PRDX6: variants seen among roughly 807,000 people sequenced by gnomAD.
PRDX6 encodes peroxiredoxin 6, also known as peroxiredoxin-6.
In PRDX6, 13 loss-of-function variants were observed where a neutral mutation model predicts 20.0. The observed-to-expected ratio is 0.65, with a 90% CI of 0.42 to 1.03. PRDX6 has a LOEUF of 1.03. PRDX6 is among the 50% of genes least tolerant of loss of function. PRDX6 has a pLI of 0.00. For synonymous variants in PRDX6, 85 were observed against 100.8 expected, an observed-to-expected ratio of 0.84 and a Z score of 0.94; for missense variants, 203 against 276.9, an observed-to-expected ratio of 0.73 and a Z score of 1.89.
chr1:173,483,836 C>T (rs1306327498), intron 2 of PRDX6, among the ~76,000 whole-genome samples: 1 of 152,088 alleles, frequency 6.6e-6, no homozygotes, highest in African/African-American at 2.4e-5. Flanking sequence ...GGCACAGTGG[C>T]TCTCGCCTGT....
intron 2 of PRDX6, 41 bp downstream of exon 2, chr1:173,481,523 G>T (rs748215984): frequency 5.9e-5 from 94 of 1,588,900 alleles, no homozygotes; most frequent in Non-Finnish European, 8.0e-5. Context: ...TGAGATTATA[G>T]GTCAAGTTAT....
At chr1:173,482,468 C>T (rs921285677) in intron 2 of PRDX6, among the ~76,000 whole-genome samples, 2 of 152,134 alleles carry the variant, frequency 1.3e-5, no homozygotes, top group African/African-American at 4.8e-5. Flanking sequence ...ATATCCTAGG[C>T]GATCAGTCAA....
chr1:173,487,611 G>A (rs1452342435), intron 4 of PRDX6, 124 bp from the exon 5 acceptor site: 1 of 1,072,894 alleles, frequency 9.3e-7, no homozygotes, highest in Admixed American at 2.4e-5. Context: ...CTCACAGAGG[G>A]GAGAGTAAAG....
At chr1:173,477,607 C>A in intron 1 of PRDX6, 115 bp downstream of exon 1, 2 of 849,220 alleles carry the variant, frequency 2.4e-6, no homozygotes, top group South Asian at 1.6e-5. Flanking sequence ...GCGCCGCCCT[C>A]GCCTTCCCCC....
Position 173,487,866 on chromosome 1 carries a change from C to G in PRDX6, c.*3C>G. 1 of 1,612,360 alleles carries G rather than the reference C, an allele frequency of 6.2e-7. No individual in the cohort carries two copies. The highest frequency in any genetic ancestry group is 8.5e-7 in the Non-Finnish European group (1 of 1,179,918). On this transcript the variant is annotated 3_prime_UTR_variant, in exon 5 of 5. Transcript: ENST00000340385. ...TCCGCTACACACCCCAGCCTTAAGTCTCTTGGAGAAGCTGGTGCTGTGAGC... is the reference window on the plus strand; with the variant it reads ...TCCGCTACACACCCCAGCCTTAAGTGTCTTGGAGAAGCTGGTGCTGTGAGC...
intron 2 of PRDX6, among the ~76,000 whole-genome samples, chr1:173,485,022 A>G (rs1658873599): frequency 6.6e-6 from 1 of 152,162 alleles, no homozygotes; most frequent in South Asian, 2.1e-4. Context: ...TTGGGTACCC[A>G]GAGGTACCTT....
intron 2 of PRDX6, among the ~76,000 whole-genome samples, chr1:173,482,715 A>G (rs185687387): frequency 9.2e-5 from 14 of 152,344 alleles, no homozygotes; most frequent in Non-Finnish European, 2.1e-4. Context: ...GCTGCATCCT[A>G]TAGCAGTTAA....
chr1:173,479,609 AG>A (rs1658768335), intron 1 of PRDX6, among the ~76,000 whole-genome samples: 1 of 152,224 alleles, frequency 6.6e-6, no homozygotes, highest in South Asian at 2.1e-4. Context: ...TGTGTTTTCC[AG>A]GGGTCTTCTG....
chr1:173,479,873 CA>C (rs1658772540), intron 1 of PRDX6, among the ~76,000 whole-genome samples: 1 of 152,178 alleles, frequency 6.6e-6, no homozygotes, highest in African/African-American at 2.4e-5. Context: ...CATGATTCAG[CA>C]AAACAGTCTT....
In PRDX6 at chr1:173,488,135, TGCAGG is replaced by T. The variant is rs1372365442; in HGVS notation, c.*275_*279del. 1 of 330,790 alleles carries T rather than the reference TGCAGG, an allele frequency of 3.0e-6. No individual in the cohort carries two copies. The highest frequency in any genetic ancestry group is 5.6e-6 in the Non-Finnish European group (1 of 179,828). The allele number at this position is 330,790 out of a possible 1,614,324, so 20.5% of individuals were successfully genotyped here. ...TAAAACTCAAATCTTGTTGGATCTC[TGCAGG>T]GCTTGTGACCAATGAAGTCATATTT... On this transcript the variant is annotated 3_prime_UTR_variant, in exon 5 of 5. Coordinates refer to ENST00000340385, the MANE Select transcript of PRDX6 (RefSeq NM_004905.3).
intron 1 of PRDX6, among the ~76,000 whole-genome samples, chr1:173,478,220 G>A (rs535837781): frequency 8.4e-4 from 128 of 152,368 alleles, no homozygotes; most frequent in African/African-American, 2.9e-3. Flanking sequence ...AGAACACTCT[G>A]CGTAGGTGTG....
In PRDX6 at chr1:173,487,806, C is replaced by A; in HGVS notation, c.618C>A (p.Val206=). The A allele has an allele frequency of 6.2e-7, 1 of 1,614,034 alleles. No individual in the cohort carries two copies. Among genetic ancestry groups the A allele is most frequent in the African/African-American group, 1.3e-5 (1 of 75,052 alleles). Residue 206 remains valine, a synonymous_variant, in exon 5 of 5, where the codon GTC becomes GTA. Transcript: ENST00000340385. ...EEAKKLFPKG[V]FTKELPSGKK... is the part of the protein sequence containing the mutation. Reference sequence around the variant, plus strand: ...CCAAAAAACTTTTCCCGAAAGGAGTCTTCACCAAAGAGCTCCCATCTGGCA... The same window carrying A: ...CCAAAAAACTTTTCCCGAAAGGAGTATTCACCAAAGAGCTCCCATCTGGCA...
intron 4 of PRDX6, 118 bp from the exon 5 acceptor site, chr1:173,487,617 T>A: frequency 3.4e-6 from 4 of 1,164,808 alleles, no homozygotes; most frequent in Non-Finnish European, 1.2e-6. Context: ...GAGGGGAGAG[T>A]AAAGAACACT....
At chr1:173,479,549 T>G (rs900642756) in intron 1 of PRDX6, among the ~76,000 whole-genome samples, 2 of 152,240 alleles carry the variant, frequency 1.3e-5, no homozygotes, top group Admixed American at 1.3e-4. Flanking sequence ...CGCTGTTTCT[T>G]TAAGTGGTAG....
intron 2 of PRDX6, among the ~76,000 whole-genome samples, chr1:173,483,505 C>T (rs556318245): frequency 2.6e-5 from 4 of 152,054 alleles, no homozygotes; most frequent in Admixed American, 1.3e-4. Context: ...GAGCTGAGAT[C>T]GCGCCACTGC....
At chr1:173,479,249 C>T (rs1039934542) in intron 1 of PRDX6, among the ~76,000 whole-genome samples, 2 of 152,096 alleles carry the variant, frequency 1.3e-5, no homozygotes, top group African/African-American at 4.8e-5. Flanking sequence ...GTTAGGAACA[C>T]GGTAGAAATA....
rs1658928320 is a variant in PRDX6 at position 173,487,953 on chromosome 1, C to T, written c.*90C>T. 1 of 1,523,078 alleles carries T rather than the reference C, an allele frequency of 6.6e-7. No homozygotes were observed. The highest frequency in any genetic ancestry group is 8.9e-7 in the Non-Finnish European group (1 of 1,121,680). The allele number at this position is 1,523,078 out of a possible 1,614,324, so 94.3% of individuals were successfully genotyped here. A position where few individuals can be genotyped will look rare whatever the true frequency, so the allele number is the denominator to read the frequency against. On this transcript the variant is annotated 3_prime_UTR_variant, in exon 5 of 5. Coordinates refer to ENST00000340385, the MANE Select transcript of PRDX6 (RefSeq NM_004905.3). ...CAATTCCATAAACACATCCTGGTGT[C>T]ATCACAGCCAAGGTTTTTAGGTTGC... is the stretch of plus-strand genomic sequence containing the variant.
chr1:173,477,361 C>T lies in PRDX6; in HGVS notation c.-37C>T, dbSNP rs1015386462. Reference sequence around the variant, plus strand: ...CTTCTTCGCCAGAACCAACCGGTTGCTTGCTGTCCCAGCGGCGCCCCCTCA... The same window carrying T: ...CTTCTTCGCCAGAACCAACCGGTTGTTTGCTGTCCCAGCGGCGCCCCCTCA... On this transcript the variant is annotated 5_prime_UTR_variant, in exon 1 of 5. Coordinates refer to ENST00000340385, the MANE Select transcript of PRDX6 (RefSeq NM_004905.3). 6.6e-7 allele frequency: 1 copy of T among 1,505,344 alleles called. No individual in the cohort carries two copies. 93.2% of individuals were successfully genotyped at this position (1,505,344 alleles called of 1,614,324 possible). A position where few individuals can be genotyped will look rare whatever the true frequency, so the allele number is the denominator to read the frequency against.
chr1:173,481,044 C>A (rs1658792412), intron 1 of PRDX6, among the ~76,000 whole-genome samples: 1 of 152,020 alleles, frequency 6.6e-6, no homozygotes, highest in Non-Finnish European at 1.5e-5. Flanking sequence ...CAGGGTGGCA[C>A]CATAATTATT....
Sources: gnomAD v4.1 joint callset for allele counts (sites outside exome capture counted in the v4.1 genomes callset) on GRCh38, gnomAD v4.1.1 for gene constraint, MANE v1.5 for transcripts, NCBI Gene and HGNC (gene_info 2026-07-23, HGNC 2026-07-21) for gene names.